GARS1: variants seen among roughly 807,000 people sequenced by gnomAD.
GARS1 encodes the protein glycyl-tRNA synthetase 1.
Under a neutral mutation model 86.4 loss-of-function variants are expected in GARS1, and 46 were observed. The ratio of observed to expected loss-of-function variants is 0.53; its 90% CI spans 0.42 to 0.68. The LOEUF is 0.68. Among genes scored for constraint, GARS1 ranks in the 30% least tolerant of loss-of-function variants. The pLI is 0.00. For synonymous variants in GARS1, 342 were observed against 329.8 expected (o/e 1.04, Z -0.40); for missense variants, 797 against 915.6 (o/e 0.87, Z 1.67).
At position 30,631,531 on chromosome 7, in the gene GARS1, C is replaced by A; in HGVS notation, c.1893C>A (p.Val631=). Residue 631 remains valine (V), a synonymous_variant, in exon 15 of 17, where the codon GTC becomes GTA. Transcript: ENST00000389266. ...AAAACCAGGAGTTCATGCCATTTGTCAAGGAATTATGTAAGCAAATTCAAT... is the reference window on the plus strand; with the variant it reads ...AAAACCAGGAGTTCATGCCATTTGTAAAGGAATTATGTAAGCAAATTCAAT... The part of the protein sequence containing the change: ...LSQNQEFMPF[V]KELSEALTRH... The A allele has an allele frequency of 6.2e-7, 1 of 1,611,430 alleles. No homozygotes were observed. The highest frequency in any genetic ancestry group is 8.5e-7 in the Non-Finnish European group (1 of 1,177,800).
At chr7:30,621,535 C>T (rs1433252187) in intron 11 of GARS1, 35 bp downstream of exon 11, 2 of 1,409,774 alleles carry the variant, frequency 1.4e-6, no homozygotes, top group Non-Finnish European at 2.0e-6. Context: ...ACTCAGGATT[C>T]ACATGTGAAC....
At chr7:30,600,360 G>A (rs986513364) in intron 3 of GARS1, among the ~76,000 whole-genome samples, 1 of 152,204 alleles carries the variant, frequency 6.6e-6, no homozygotes, top group Admixed American at 6.5e-5. Context: ...AAGAGTAACA[G>A]AGGGCCATTG....
chr7:30,623,310 G>A (rs532499530), intron 12 of GARS1, among the ~76,000 whole-genome samples: 8 of 152,156 alleles, frequency 5.3e-5, no homozygotes, highest in African/African-American at 1.9e-4. Flanking sequence ...GGATGTTAAA[G>A]CACTTATTAT....
upstream of GARS1, chr7:30,594,783 G>A (rs1361241212): frequency 7.0e-6 from 5 of 718,034 alleles, no homozygotes; most frequent in Non-Finnish European, 1.1e-5. Flanking sequence ...GCGGCGACCC[G>A]GCGCCGCGTC....
intron 8 of GARS1, among the ~76,000 whole-genome samples, chr7:30,612,847 AGGCATATTGGGGCT>A (rs1387990195): frequency 2.6e-5 from 4 of 152,274 alleles, no homozygotes; most frequent in Non-Finnish European, 4.4e-5. Flanking sequence ...ATGTGTGGGA[AGGCATATTGGGGCT>A]GGTGAGTTCT....
chr7:30,622,802 A>G (rs992691560), intron 12 of GARS1: 2 of 331,900 alleles, frequency 6.0e-6, no homozygotes, highest in Non-Finnish European at 1.2e-5. Flanking sequence ...TTAAGCATGA[A>G]TATAAACAAT....
chr7:30,599,862 G>A (rs1791336884), intron 2 of GARS1, 85 bp from the exon 3 acceptor site: 5 of 845,308 alleles, frequency 5.9e-6, no homozygotes, highest in Non-Finnish European at 9.7e-6. Flanking sequence ...TTTAATTCTG[G>A]TGAGGAATAA....
At chr7:30,597,002 G>A (rs1791263909) in intron 1 of GARS1, among the ~76,000 whole-genome samples, 1 of 152,204 alleles carries the variant, frequency 6.6e-6, no homozygotes, top group African/African-American at 2.4e-5. Flanking sequence ...AATGAATGAA[G>A]TGAGTTTGTC....
At chr7:30,603,404 T>C (rs1791419682) in intron 5 of GARS1, 92 bp from the exon 6 acceptor site, 4 of 1,040,438 alleles carry the variant, frequency 3.8e-6, no homozygotes, top group Admixed American at 3.7e-5. Context: ...AACTTTATGC[T>C]TGGATTTACT....
At position 30,632,341 on chromosome 7, in the gene GARS1, G is replaced by A; in HGVS notation, c.1998G>A (p.Val666=). The change falls in exon 16 of 17, where the codon GTG becomes GTA. Residue 666 remains valine (V), a synonymous_variant. Coordinates refer to ENST00000389266, the MANE Select transcript of GARS1 (RefSeq NM_002047.4). This position sits in a 1 kb window ranked among gnomAD's most constrained non-coding sequence, Gnocchi z 4.1. ...ATGCCAGGACTGATGAGATTGGCGT[G>A]GCTTTTGGTGTCACCATTGACTTTG... ...RRYARTDEIG[V]AFGVTIDFDT... The A allele has an allele frequency of 6.2e-7, 1 of 1,614,174 alleles. No homozygotes were observed. Among genetic ancestry groups the A allele is most frequent in the South Asian group, 1.1e-5 (1 of 91,084 alleles).
In GARS1 at chr7:30,631,520, A is replaced by AT; in HGVS notation, c.1883dup (p.Met628IlefsTer35). The stretch of plus-strand genomic sequence containing the variant: ...CCCACTGAGCCAAAACCAGGAGTTC[A>AT]TGCCATTTGTCAAGGAATTATGTAA... On this transcript the variant is annotated frameshift_variant, in exon 15 of 17. Coordinates refer to ENST00000389266, the MANE Select transcript of GARS1 (RefSeq NM_002047.4). LOFTEE classifies it high-confidence loss of function. 6.2e-7 allele frequency: 1 copy of AT among 1,613,128 alleles called. No homozygotes were observed. Among genetic ancestry groups the AT allele is most frequent in the Non-Finnish European group, 8.5e-7 (1 of 1,179,134 alleles).
Position 30,628,601 on chromosome 7 carries a change from C to T in GARS1, c.1741C>T (p.Leu581=). ...VPNVIEPSFG[L]GRIMYTVFEH... ...GAATGTAATTGAACCTTCCTTCGGCCTGGGTAGGATCATGTATACGGTATT... is the reference window on the plus strand; with the variant it reads ...GAATGTAATTGAACCTTCCTTCGGCTTGGGTAGGATCATGTATACGGTATT... The change falls in exon 14 of 17, where the codon CTG becomes TTG. Residue 581 remains leucine (L), a synonymous_variant. Transcript: ENST00000389266. The T allele has an allele frequency of 6.2e-7, 1 of 1,613,042 alleles. No individual in the cohort carries two copies. Among genetic ancestry groups the T allele is most frequent in the Non-Finnish European group, 8.5e-7 (1 of 1,179,142 alleles).
chr7:30,632,146 G>C lies in GARS1; in HGVS notation c.1904-101G>C. On this transcript the variant is annotated intron_variant, in intron 15 of 16. Coordinates refer to ENST00000389266, the MANE Select transcript of GARS1 (RefSeq NM_002047.4). This position sits in a 1 kb window ranked among gnomAD's most constrained non-coding sequence, Gnocchi z 4.1. ...CTCAACTTGTTGCTTTCTTGTCTTGGTCCCATTTATAAGTCTCCTGAGCTT... is the reference window on the plus strand; with the variant it reads ...CTCAACTTGTTGCTTTCTTGTCTTGCTCCCATTTATAAGTCTCCTGAGCTT... The C allele has an allele frequency of 1.8e-6, 2 of 1,097,154 alleles. No individual in the cohort carries two copies. The highest frequency in any genetic ancestry group is 2.7e-6 in the Non-Finnish European group (2 of 734,876). 68.0% of individuals were successfully genotyped at this position (1,097,154 alleles called of 1,614,324 possible).
At chr7:30,619,629 G>C (rs1043074828) in intron 10 of GARS1, among the ~76,000 whole-genome samples, 2 of 151,994 alleles carry the variant, frequency 1.3e-5, no homozygotes, top group African/African-American at 4.8e-5. Context: ...CAGGTTACAT[G>C]TTTTTAGGCT....
chr7:30,618,610 G>T (rs1782935331), intron 10 of GARS1, among the ~76,000 whole-genome samples: 2 of 152,140 alleles, frequency 1.3e-5, no homozygotes, highest in African/African-American at 4.8e-5. Context: ...CTCAAGCCTG[G>T]GTGACAGAGT....
At chr7:30,609,413 G>A (rs1477348654) in intron 6 of GARS1, among the ~76,000 whole-genome samples, 172 bp from the exon 7 acceptor site, 25 of 152,148 alleles carry the variant, frequency 1.6e-4, no homozygotes, top group Non-Finnish European at 1.5e-5. Flanking sequence ...TAAATGGAAA[G>A]TGAATAAATT....
intron 4 of GARS1, among the ~76,000 whole-genome samples, chr7:30,601,448 G>A (rs1562771993): frequency 6.6e-6 from 1 of 152,076 alleles, no homozygotes. Context: ...GCAGTACACT[G>A]CTTATTTTCA....
Position 30,600,003 on chromosome 7 carries a change from C to T in GARS1, c.381C>T (p.Thr127=), listed in dbSNP as rs373121749. 2.5e-6 allele frequency: 4 copies of T among 1,613,582 alleles called. No individual in the cohort carries two copies. The African/African-American group carries it at 4.0e-5, about 16-fold the overall frequency. ...DIVDRAKMED[T]LKRRFFYDQA... ...TAGACCGAGCAAAAATGGAAGATAC[C>T]CTGAAGAGGAGGTTTTTCTATGATC... Residue 127 remains threonine, a synonymous_variant, in exon 3 of 17, where the codon ACC becomes ACT. Transcript: ENST00000389266.
intron 4 of GARS1, among the ~76,000 whole-genome samples, chr7:30,601,495 A>G (rs1459481194): frequency 6.6e-6 from 1 of 152,182 alleles, no homozygotes; most frequent in Non-Finnish European, 1.5e-5. Flanking sequence ...ATCATTAACT[A>G]TTCATCTAAA....
Sources: gnomAD v4.1 joint callset for allele counts (sites outside exome capture counted in the v4.1 genomes callset) on GRCh38, gnomAD v4.1.1 for gene constraint, Gnocchi (gnomAD v3.1) non-coding constraint, MANE v1.5 for transcripts, NCBI Gene and HGNC (gene_info 2026-07-23, HGNC 2026-07-21) for gene names.